The following CAMKMT variants were observed in gnomAD, a reference collection of about 807,000 sequenced individuals.
CAMKMT encodes the protein calmodulin-lysine N-methyltransferase.
CAMKMT carries 53 observed loss-of-function variants against 48.0 expected under a neutral mutation model. That is an observed-to-expected ratio of 1.10 (90% CI 0.89 to 1.39). The LOEUF (loss-of-function observed/expected upper bound fraction) is 1.39. Among genes scored for constraint, CAMKMT ranks in the 40% most tolerant of loss-of-function variants. The probability of loss-of-function intolerance (pLI) is 0.00; values close to 1 mark genes in which losing one functional copy is unlikely to be tolerated. For synonymous variants in CAMKMT, 165 were observed against 152.3 expected (o/e 1.08, Z -0.61); for missense variants, 428 against 402.7 (o/e 1.06, Z -0.54).
chr2:44,729,493 C>T (rs1290682223), intron 7 of CAMKMT, among the ~76,000 whole-genome samples: 1 of 152,166 alleles, frequency 6.6e-6, no homozygotes, highest in African/African-American at 2.4e-5. Context: ...TCCAAGAAAG[C>T]ATTTCAAGGA....
chr2:44,720,383 G>A (rs1678403309), intron 7 of CAMKMT, among the ~76,000 whole-genome samples: 1 of 152,142 alleles, frequency 6.6e-6, no homozygotes, highest in Admixed American at 6.6e-5. Context: ...AGGTATGCAA[G>A]TCAGACTACT....
At chr2:44,518,951 T>C (rs1670966581) in intron 3 of CAMKMT, among the ~76,000 whole-genome samples, 1 of 152,230 alleles carries the variant, frequency 6.6e-6, no homozygotes. Flanking sequence ...ATACCTACCA[T>C]AATGATACTT....
chr2:44,507,535 T>A (rs925397567), intron 3 of CAMKMT, among the ~76,000 whole-genome samples: 11 of 152,302 alleles, frequency 7.2e-5, no homozygotes, highest in Admixed American at 1.3e-4. Flanking sequence ...TTTCATCTCA[T>A]TTTTTTCTTG....
intron 3 of CAMKMT, among the ~76,000 whole-genome samples, chr2:44,499,371 G>C (rs1572655559): frequency 6.6e-6 from 1 of 152,206 alleles, no homozygotes; most frequent in African/African-American, 2.4e-5. Flanking sequence ...TTGTCTCTTG[G>C]CAGTACAGTT....
At chr2:44,507,403 TG>T (rs1670316695) in intron 3 of CAMKMT, among the ~76,000 whole-genome samples, 1 of 152,208 alleles carries the variant, frequency 6.6e-6, no homozygotes, top group African/African-American at 2.4e-5. Context: ...GTGTGCATCA[TG>T]GAACACATCA....
At chr2:44,476,910 G>A (rs1037416906) in intron 3 of CAMKMT, among the ~76,000 whole-genome samples, 28 of 152,090 alleles carry the variant, frequency 1.8e-4, no homozygotes, top group African/African-American at 6.8e-4. Flanking sequence ...ACACATGGTG[G>A]GTGCTATATC....
At chr2:44,701,060 T>C (rs922870158) in intron 3 of CAMKMT, among the ~76,000 whole-genome samples, 22 of 152,344 alleles carry the variant, frequency 1.4e-4, no homozygotes, top group Admixed American at 1.2e-3. Flanking sequence ...ATTGGGGTTG[T>C]TTCCACTTTT....
chr2:44,735,589 A>G (rs1679310202), intron 7 of CAMKMT, among the ~76,000 whole-genome samples: 1 of 152,090 alleles, frequency 6.6e-6, no homozygotes, highest in South Asian at 2.1e-4. Context: ...CTCAAATGAT[A>G]TACCATTTCA....
At chr2:44,402,421 T>C (rs1387146414) in intron 3 of CAMKMT, among the ~76,000 whole-genome samples, 1 of 151,876 alleles carries the variant, frequency 6.6e-6, no homozygotes, top group Non-Finnish European at 1.5e-5. Context: ...TGCATTTGAG[T>C]AGTCCAATGC....
At chr2:44,552,870 T>G (rs1002666582) in intron 3 of CAMKMT, among the ~76,000 whole-genome samples, 3 of 152,164 alleles carry the variant, frequency 2.0e-5, no homozygotes, top group Admixed American at 2.0e-4. Context: ...TGTCATTTAG[T>G]CAGGACCCTT....
At chr2:44,366,472 T>C (rs182438417) in intron 1 of CAMKMT, among the ~76,000 whole-genome samples, 69 of 152,322 alleles carry the variant, frequency 4.5e-4, no homozygotes, top group Middle Eastern at 6.8e-3. Flanking sequence ...TTCATAAATG[T>C]TATCTTGTTG....
At chr2:44,678,185 G>A (rs1675822641) in intron 3 of CAMKMT, among the ~76,000 whole-genome samples, 1 of 152,108 alleles carries the variant, frequency 6.6e-6, no homozygotes, top group African/African-American at 2.4e-5. Context: ...TGAGTAGCTT[G>A]GAAAAAAATT....
At chr2:44,420,285 T>C (rs1683843329) in intron 3 of CAMKMT, among the ~76,000 whole-genome samples, 1 of 152,198 alleles carries the variant, frequency 6.6e-6, no homozygotes, top group Non-Finnish European at 1.5e-5. Context: ...TGTTTTCTAA[T>C]TAATATTTAC....
intron 3 of CAMKMT, among the ~76,000 whole-genome samples, chr2:44,659,615 G>T (rs1480452757): frequency 1.3e-5 from 2 of 150,280 alleles, no homozygotes. Flanking sequence ...AGTAAAATAA[G>T]AACGAAATAA....
intron 7 of CAMKMT, among the ~76,000 whole-genome samples, chr2:44,731,945 TG>T (rs1679098750): frequency 6.6e-6 from 1 of 152,112 alleles, no homozygotes. Flanking sequence ...ATAGCTGTTA[TG>T]ATTTTTCTTT....
Position 44,653,042 on chromosome 2 carries a change from A to G in CAMKMT, c.377-51241A>G, listed in dbSNP as rs754265121. On this transcript the variant is annotated intron_variant, in intron 3 of 10. Coordinates refer to ENST00000378494, the MANE Select transcript of CAMKMT (RefSeq NM_024766.5). This position sits in a 1 kb window ranked among gnomAD's most constrained non-coding sequence, Gnocchi z 5.2. ...CTCTATCAACCCTCCCTTTAAGCTT[A>G]TTCTGTGCACATCCTGGTCAAATCT... 1.6e-4 allele frequency among the ~76,000 whole-genome samples: 25 copies of G among 152,096 alleles called. No individual in the cohort carries two copies. Among genetic ancestry groups the G allele is most frequent in the Non-Finnish European group, 3.5e-4 (24 of 68,022 alleles).
chr2:44,511,931 C>G lies in CAMKMT; in HGVS notation c.376+121626C>G, dbSNP rs145618365. Among the ~76,000 whole-genome samples the G allele has an allele frequency of 8.5e-5, 13 of 152,322 alleles. No individual in the cohort carries two copies. In the East Asian group the frequency reaches 2.5e-3, roughly 29 times the overall value. The stretch of plus-strand genomic sequence containing the variant: ...CCCCCCATCTTCTAATAGTACTGTA[C>G]TTTGTGCTTACCTAGGCTGTCCCTC... On this transcript the variant is annotated intron_variant, in intron 3 of 10. Coordinates refer to ENST00000378494, the MANE Select transcript of CAMKMT (RefSeq NM_024766.5).
chr2:44,731,216 C>A (rs1383029389), intron 7 of CAMKMT, among the ~76,000 whole-genome samples: 2 of 152,140 alleles, frequency 1.3e-5, no homozygotes, highest in Non-Finnish European at 2.9e-5. Flanking sequence ...TAGCACATGC[C>A]TGTAATTTCA....
intron 3 of CAMKMT, among the ~76,000 whole-genome samples, chr2:44,602,751 C>G (rs1306464327): frequency 6.6e-6 from 1 of 152,028 alleles, no homozygotes; most frequent in Non-Finnish European, 1.5e-5. Flanking sequence ...TGAGAACTCC[C>G]TCACAAACAT....
Sources: allele counts gnomAD v4.1 joint callset (sites outside exome capture counted in the v4.1 genomes callset), GRCh38; gene constraint gnomAD v4.1.1; non-coding constraint Gnocchi (gnomAD v3.1); transcripts MANE v1.5; gene names NCBI Gene and HGNC (gene_info 2026-07-23, HGNC 2026-07-21).